The following CAMK2B variants were observed in gnomAD, a reference collection of about 807,000 sequenced individuals.
CAMK2B encodes the protein calcium/calmodulin-dependent protein kinase type II subunit beta.
In CAMK2B, 27 loss-of-function variants were observed where a neutral mutation model predicts 93.7. The observed-to-expected ratio is 0.29, with a 90% CI of 0.21 to 0.40. The LOEUF is 0.40. Among genes scored for constraint, CAMK2B ranks in the 10% least tolerant of loss-of-function variants. The pLI is 1.00. For missense variants in CAMK2B, 568 were observed against 895.8 expected, an observed-to-expected ratio of 0.63 and a Z score of 4.67; for synonymous variants, 374 against 358.8, an observed-to-expected ratio of 1.04 and a Z score of -0.48.
At chr7:44,232,742 C>T in intron 16 of CAMK2B, 80 bp downstream of exon 16, 1 of 1,422,704 alleles carries the variant, frequency 7.0e-7, no homozygotes, top group Non-Finnish European at 9.9e-7. Flanking sequence ...TCCACTCTGG[C>T]ACAAATGCTG....
rs2096365843 is a variant in CAMK2B, at chr7:44,219,113, C to T, written c.*412G>A. The T allele has an allele frequency of 6.6e-6, 1 of 152,184 alleles. No individual in the cohort carries two copies. Among genetic ancestry groups the T allele is most frequent in the African/African-American group, 2.4e-5 (1 of 41,408 alleles). 9.4% of individuals were successfully genotyped at this position (152,184 alleles called of 1,614,324 possible). On this transcript the variant is annotated 3_prime_UTR_variant, in exon 24 of 24. Coordinates refer to ENST00000395749, the MANE Select transcript of CAMK2B (RefSeq NM_001220.5). ...CTTAGGTGTGGGGTGTGTGCGTTACCTACAAACTAACACCGTTCAGCACGC... is the reference window on the plus strand; with the variant it reads ...CTTAGGTGTGGGGTGTGTGCGTTACTTACAAACTAACACCGTTCAGCACGC...
Position 44,276,160 on chromosome 7 carries a change from G to A in CAMK2B, c.160+7971C>T, listed in dbSNP as rs546929371. Among the ~76,000 whole-genome samples, 211 of 148,108 alleles carry A rather than the reference G, an allele frequency of 1.4e-3. 1 individual carries two copies. The highest frequency in any genetic ancestry group is 4.9e-3 in the African/African-American group (196 of 39,964). ...GGAGGGGAGAAGAGAGGAGGGCAGG[G>A]CCCCTGAGCCGGGGAGGAGGGAAAG... On this transcript the variant is annotated intron_variant, in intron 2 of 23. Transcript: ENST00000395749.
intron 1 of CAMK2B, among the ~76,000 whole-genome samples, chr7:44,293,116 A>T (rs1787311360): frequency 6.6e-6 from 1 of 152,128 alleles, no homozygotes; most frequent in Non-Finnish European, 1.5e-5. Context: ...TCCCAGGGGC[A>T]GCGCCCTTCC....
At chr7:44,244,856 A>G (rs752697483) in intron 6 of CAMK2B, 2 of 448,736 alleles carry the variant, frequency 4.5e-6, no homozygotes, top group South Asian at 3.1e-5. Context: ...ACAAGGCAGC[A>G]TTGGGGGCTT....
intron 1 of CAMK2B, among the ~76,000 whole-genome samples, chr7:44,318,384 A>G (rs553993774): frequency 6.6e-6 from 1 of 152,292 alleles, no homozygotes; most frequent in Non-Finnish European, 1.5e-5. Flanking sequence ...CATCTTTTAC[A>G]GGGTGGGTGT....
At chr7:44,264,900 C>A (rs2096910162) in intron 2 of CAMK2B, among the ~76,000 whole-genome samples, 1 of 152,134 alleles carries the variant, frequency 6.6e-6, no homozygotes, top group Non-Finnish European at 1.5e-5. Flanking sequence ...CAAAACCCAG[C>A]AACACTGGAC....
intron 13 of CAMK2B, among the ~76,000 whole-genome samples, chr7:44,238,163 C>T (rs1390584394): frequency 2.0e-5 from 3 of 152,236 alleles, no homozygotes; most frequent in Admixed American, 2.0e-4. Context: ...TCAGCCCTGC[C>T]TCTGCCTTGT....
rs562327607 is a variant in CAMK2B at position 44,277,282 on chromosome 7, G to C, written c.160+6849C>G. On this transcript the variant is annotated intron_variant, in intron 2 of 23. Transcript: ENST00000395749. ...TTTCCTCTAACTGCTTTTGTTAACA[G>C]TAGTTTAATAATCTCTCATTATTCA... Among the ~76,000 whole-genome samples, 15 of 152,312 alleles carry C rather than the reference G, an allele frequency of 9.8e-5. 1 individual carries two copies. Among genetic ancestry groups the C allele is most frequent in the Non-Finnish European group, 1.8e-4 (12 of 68,020 alleles).
chr7:44,323,300 C>T (rs539822156), intron 1 of CAMK2B, among the ~76,000 whole-genome samples: 1 of 152,406 alleles, frequency 6.6e-6, no homozygotes. Flanking sequence ...GGCCCCACTC[C>T]TCACCTCGCA....
At chr7:44,241,664 C>T (rs1410309573) in intron 11 of CAMK2B, 36 bp downstream of exon 11, 2 of 1,542,894 alleles carry the variant, frequency 1.3e-6, no homozygotes, top group Admixed American at 1.7e-5. Context: ...CACAGAGAAG[C>T]ATGGCCGTGC....
chr7:44,274,088 A>G (rs1233800824), intron 2 of CAMK2B, among the ~76,000 whole-genome samples: 1 of 152,168 alleles, frequency 6.6e-6, no homozygotes, highest in Non-Finnish European at 1.5e-5. Flanking sequence ...CCTCCCCAGC[A>G]GGAGAGGCTG....
intron 1 of CAMK2B, among the ~76,000 whole-genome samples, chr7:44,308,602 G>C (rs540182769): frequency 1.3e-5 from 2 of 152,324 alleles, no homozygotes; most frequent in East Asian, 1.9e-4. Context: ...GACACCCGGA[G>C]GGCAGGACAA....
Position 44,232,877 on chromosome 7 carries a change from A to C in CAMK2B, c.1132-11T>G. 1.2e-6 allele frequency: 2 copies of C among 1,613,138 alleles called. No homozygotes were observed. The highest frequency in any genetic ancestry group is 1.7e-6 in the Non-Finnish European group (2 of 1,179,142). ...GGTGGTTTGAGGCTCCTACAGAAGA[A>C]GGAAGACACAGAGGAAGGAAAGAGA... is the stretch of plus-strand genomic sequence containing the variant. On this transcript the variant is annotated splice_polypyrimidine_tract_variant and intron_variant, in intron 15 of 23. Transcript: ENST00000395749.
At chr7:44,313,239 T>C (rs930533269) in intron 1 of CAMK2B, among the ~76,000 whole-genome samples, 8 of 152,254 alleles carry the variant, frequency 5.3e-5, no homozygotes, top group Middle Eastern at 3.4e-3. Context: ...TTGGGCTGCC[T>C]TTCAGGGCAC....
intron 2 of CAMK2B, chr7:44,264,134 A>C (rs2129042351): frequency 1.3e-5 from 2 of 152,972 alleles, no homozygotes; most frequent in Middle Eastern, 2.9e-3. Flanking sequence ...GCCTGGGGGC[A>C]CATAATTAAT....
chr7:44,232,507 A>G (rs2096588956), intron 16 of CAMK2B, among the ~76,000 whole-genome samples: 1 of 152,140 alleles, frequency 6.6e-6, no homozygotes, highest in African/African-American at 2.4e-5. Flanking sequence ...CCTGAGATGC[A>G]GGCCCTGCTC....
intron 5 of CAMK2B, among the ~76,000 whole-genome samples, chr7:44,249,678 C>G (rs1241547041): frequency 2.0e-5 from 3 of 152,188 alleles, no homozygotes; most frequent in Non-Finnish European, 4.4e-5. Context: ...GGAAGTGCCA[C>G]CTCCCGGGAC....
At chr7:44,289,214 G>A (rs544752862) in intron 1 of CAMK2B, among the ~76,000 whole-genome samples, 33 of 152,092 alleles carry the variant, frequency 2.2e-4, no homozygotes, top group Non-Finnish European at 4.1e-4. Flanking sequence ...GCTCCCCACC[G>A]CAGGTGGCTC....
rs891189047 is a variant in CAMK2B at position 44,218,012 on chromosome 7, C to T, written c.*1513G>A. 6.6e-6 allele frequency: 1 copy of T among 152,408 alleles called. No homozygotes were observed. The highest frequency in any genetic ancestry group is 1.5e-5 in the Non-Finnish European group (1 of 68,210). 9.4% of individuals were successfully genotyped at this position (152,408 alleles called of 1,614,324 possible). A position where few individuals can be genotyped will look rare whatever the true frequency, so the allele number is the denominator to read the frequency against. ...GAGCACAGGGCTAGACCCTGCCCTC[C>T]ATCCGCTGGTGTCCTGGGCCCTGTG... On this transcript the variant is annotated 3_prime_UTR_variant, in exon 24 of 24. Coordinates refer to ENST00000395749, the MANE Select transcript of CAMK2B (RefSeq NM_001220.5).
Sources: allele counts gnomAD v4.1 joint callset (sites outside exome capture counted in the v4.1 genomes callset), GRCh38; gene constraint gnomAD v4.1.1; transcripts MANE v1.5; gene names NCBI Gene and HGNC (gene_info 2026-07-23, HGNC 2026-07-21).